Variants in ABCA13 observed in about 807,000 individuals in gnomAD.
The protein encoded by ABCA13 is ATP-binding cassette sub-family A member 13.
ABCA13 carries 476 observed loss-of-function variants against 478.7 expected under a neutral mutation model. That is an observed-to-expected ratio of 0.99 (90% confidence interval 0.92 to 1.07). ABCA13 has a LOEUF of 1.07. ABCA13 is among the 50% of genes least tolerant of loss of function. The pLI is 0.00. For missense variants in ABCA13, 6,060 were observed against 5,910.6 expected, an observed-to-expected ratio of 1.03 and a Z score of -0.83; for synonymous variants, 2,252 against 2,158.9, an observed-to-expected ratio of 1.04 and a Z score of -1.20.
intron 55 of ABCA13, among the ~76,000 whole-genome samples, chr7:48,568,528 G>A (rs1258711351): frequency 1.3e-5 from 2 of 151,904 alleles, no homozygotes; most frequent in African/African-American, 2.4e-5. Flanking sequence ...CTTGTATTCT[G>A]TTGAGGATTT....
intron 23 of ABCA13, among the ~76,000 whole-genome samples, chr7:48,309,235 G>A (rs890187293): frequency 2.6e-5 from 4 of 152,036 alleles, no homozygotes; most frequent in Non-Finnish European, 5.9e-5. Context: ...TGGCCTGAAT[G>A]TTTCACAGCA....
At chr7:48,525,979 G>A (rs1281526434) in intron 54 of ABCA13, among the ~76,000 whole-genome samples, 1 of 152,062 alleles carries the variant, frequency 6.6e-6, no homozygotes, top group Non-Finnish European at 1.5e-5. Context: ...TTATAAGTGA[G>A]AATGTGCAGT....
chr7:48,410,973 TTTTCTCTTTCTTTC>T (rs1563207492), intron 40 of ABCA13, among the ~76,000 whole-genome samples: 6 of 150,120 alleles, frequency 4.0e-5, no homozygotes, highest in South Asian at 2.1e-4. Context: ...CTAGAAATTC[TTTTCTCTTTCTTTC>T]TTTCTTTCTT....
At chr7:48,402,454 T>C (rs920153649) in intron 38 of ABCA13, among the ~76,000 whole-genome samples, 1 of 152,158 alleles carries the variant, frequency 6.6e-6, no homozygotes, top group Admixed American at 6.5e-5. Flanking sequence ...CTCCTTCCAA[T>C]AGGGTGTTGT....
chr7:48,525,461 C>T (rs1350066231), intron 54 of ABCA13, among the ~76,000 whole-genome samples: 1 of 152,050 alleles, frequency 6.6e-6, no homozygotes, highest in Admixed American at 6.6e-5. Flanking sequence ...AGGAAAAAGG[C>T]ATATGAATTT....
At chr7:48,239,453 G>A (rs748905254) in intron 9 of ABCA13, 48 bp downstream of exon 9, 1 of 1,533,028 alleles carries the variant, frequency 6.5e-7, no homozygotes, top group Non-Finnish European at 8.8e-7. Flanking sequence ...GCCAGTTTGA[G>A]TGTCCAAATC....
chr7:48,246,171 A>G (rs1562871399), intron 13 of ABCA13, 141 bp downstream of exon 13: 1 of 893,464 alleles, frequency 1.1e-6, no homozygotes, highest in Non-Finnish European at 1.6e-6. Flanking sequence ...GGCTCTCTGA[A>G]CTCCAGCTGC....
chr7:48,504,192 C>A (rs1249698800), intron 48 of ABCA13, among the ~76,000 whole-genome samples: 5 of 152,272 alleles, frequency 3.3e-5, no homozygotes, highest in Non-Finnish European at 7.4e-5. Context: ...GAAATGATAG[C>A]AATCCAGCTT....
chr7:48,595,024 G>A (rs1447625310), intron 58 of ABCA13, among the ~76,000 whole-genome samples: 1 of 152,182 alleles, frequency 6.6e-6, no homozygotes, highest in Non-Finnish European at 1.5e-5. Context: ...ATAGCAAATA[G>A]GTGGCAGAGC....
rs185524450 is a variant in ABCA13, at chr7:48,304,124, A to T, written c.9321+5637A>T. Among the ~76,000 whole-genome samples the T allele has an allele frequency of 7.9e-5, 12 of 152,340 alleles. No individual in the cohort carries two copies. The East Asian group carries it at 2.3e-3, about 29-fold the overall frequency. ...GGATAATCCATGATTAGAATTCTTCAAGAATTGACATTATTATCTATTAGT... is the reference window on the plus strand; with the variant it reads ...GGATAATCCATGATTAGAATTCTTCTAGAATTGACATTATTATCTATTAGT... On this transcript the variant is annotated intron_variant, in intron 23 of 61. Coordinates refer to ENST00000435803, the MANE Select transcript of ABCA13 (RefSeq NM_152701.5).
At chr7:48,298,539 C>T in intron 23 of ABCA13, 52 bp downstream of exon 23, 2 of 1,582,818 alleles carry the variant, frequency 1.3e-6, no homozygotes, top group Admixed American at 1.8e-5. Context: ...GAGCCTTAGC[C>T]TGAAGTCACT....
At chr7:48,243,420 AT>A (rs1473998289) in intron 10 of ABCA13, among the ~76,000 whole-genome samples, 1 of 152,254 alleles carries the variant, frequency 6.6e-6, no homozygotes, top group Non-Finnish European at 1.5e-5. Context: ...CAGATGGCCA[AT>A]TCCAAAAGCC....
At chr7:48,574,483 T>A (rs1215124106) in intron 55 of ABCA13, among the ~76,000 whole-genome samples, 1 of 152,138 alleles carries the variant, frequency 6.6e-6, no homozygotes, top group Non-Finnish European at 1.5e-5. Context: ...CTTTTTAGAT[T>A]CTTAGATTTG....
intron 59 of ABCA13, among the ~76,000 whole-genome samples, chr7:48,632,028 CTT>C (rs750127824): frequency 1.3e-4 from 20 of 152,134 alleles, no homozygotes; most frequent in Non-Finnish European, 2.8e-4. Flanking sequence ...TAAACTGAGA[CTT>C]TACTGAATTC....
chr7:48,346,509 T>TAA (rs146535574), intron 29 of ABCA13, among the ~76,000 whole-genome samples: 28 of 145,648 alleles, frequency 1.9e-4, no homozygotes, highest in African/African-American at 7.0e-4. Context: ...ACTTCTCCAT[T>TAA]AAAAAAAAAA....
intron 41 of ABCA13, among the ~76,000 whole-genome samples, chr7:48,419,037 A>G (rs1048107296): frequency 2.0e-5 from 3 of 152,194 alleles, no homozygotes; most frequent in African/African-American, 4.8e-5. Context: ...TGGCAGGAGC[A>G]GGACCAAGAG....
At chr7:48,341,703 C>T (rs1807190524) in intron 29 of ABCA13, among the ~76,000 whole-genome samples, 1 of 150,590 alleles carries the variant, frequency 6.6e-6, no homozygotes, top group South Asian at 2.1e-4. Context: ...TTTCTGCTCT[C>T]TATTGGTTTT....
intron 31 of ABCA13, among the ~76,000 whole-genome samples, chr7:48,364,642 C>T (rs1016100976): frequency 1.3e-5 from 2 of 152,128 alleles, no homozygotes; most frequent in African/African-American, 4.8e-5. Flanking sequence ...TTAGCTCCCA[C>T]GTATGAGTTA....
chr7:48,267,542 A>T (rs1795028475), intron 15 of ABCA13, among the ~76,000 whole-genome samples: 1 of 152,130 alleles, frequency 6.6e-6, no homozygotes, highest in African/African-American at 2.4e-5. Flanking sequence ...CAAGTAGCAT[A>T]CAATTGGATC....
Sources: allele counts gnomAD v4.1 joint callset (sites outside exome capture counted in the v4.1 genomes callset), GRCh38; gene constraint gnomAD v4.1.1; transcripts MANE v1.5; gene names NCBI Gene and HGNC (gene_info 2026-07-23, HGNC 2026-07-21).